PLXNB2: variants seen among roughly 807,000 people sequenced by gnomAD.
PLXNB2 encodes the protein plexin-B2.
A neutral mutation model predicts 202.6 loss-of-function variants in PLXNB2; 85 were observed. That is an observed-to-expected ratio of 0.42 (90% confidence interval 0.35 to 0.50). The LOEUF (loss-of-function observed/expected upper bound fraction) is 0.50, where lower values mean the gene tolerates loss of function less well. Ranked by LOEUF, PLXNB2 falls within the 20% of genes least tolerant of loss-of-function variation. PLXNB2 has a pLI of 0.02. For synonymous variants in PLXNB2, 1,239 were observed against 1,137.6 expected (o/e 1.09, Z -1.79); for missense variants, 2,063 against 2,586.2 (o/e 0.80, Z 4.39).
At chr22:50,281,270 T>A (rs913145115) in intron 22 of PLXNB2, 81 bp from the exon 23 acceptor site, 78 of 1,570,228 alleles carry the variant, frequency 5.0e-5, no homozygotes, top group Non-Finnish European at 6.0e-5. Flanking sequence ...TCTACACGCC[T>A]GCCTGTGCAG....
At position 50,281,466 on chromosome 22, in the gene PLXNB2, G is replaced by A. The variant is rs375098920; in HGVS notation, c.3556C>T (p.Arg1186Cys). Residue 1186 changes from arginine to cysteine, a missense_variant, in exon 22 of 37, where the codon CGC becomes TGC. Transcript: ENST00000359337. Reference sequence around the variant, plus strand: ...CTCACCCGTGTGTCGTACTCCACGCGGCCCAGCACCCACTCGCGAGAGCCG... The same window carrying A: ...CTCACCCGTGTGTCGTACTCCACGCAGCCCAGCACCCACTCGCGAGAGCCG... ...KFGSREWVLG[R>C]VEYDTRVSDV... 15 of 1,612,254 alleles carry A rather than the reference G, an allele frequency of 9.3e-6. No individual in the cohort carries two copies. Among genetic ancestry groups the A allele is most frequent in the African/African-American group, 5.3e-5 (4 of 74,908 alleles).
intron 1 of PLXNB2, among the ~76,000 whole-genome samples, chr22:50,300,094 C>T (rs1222364432): frequency 6.6e-6 from 1 of 152,068 alleles, no homozygotes; most frequent in Non-Finnish European, 1.5e-5. Flanking sequence ...CCGGGGACTC[C>T]GGCGCCCCGT....
chr22:50,307,150 G>A (rs1024888719), intron 1 of PLXNB2, among the ~76,000 whole-genome samples: 4 of 152,110 alleles, frequency 2.6e-5, no homozygotes, highest in African/African-American at 4.8e-5. Flanking sequence ...GACGGCCCCC[G>A]GGAGCTCGGG....
At position 50,288,077 on chromosome 22, in the gene PLXNB2, C is replaced by T. The variant is rs1569171438; in HGVS notation, c.1381-40G>A. 4 of 1,467,672 alleles carry T rather than the reference C, an allele frequency of 2.7e-6. No individual in the cohort carries two copies. Among genetic ancestry groups the T allele is most frequent in the African/African-American group, 1.4e-5 (1 of 71,402 alleles). 90.9% of individuals were successfully genotyped at this position (1,467,672 alleles called of 1,614,324 possible). ...CCGTGAGTGGGACCACAGCAGAGGC[C>T]GCACGGGCCTTCCGCAGACCCCAGA... is the stretch of plus-strand genomic sequence containing the variant. On this transcript the variant is annotated intron_variant, in intron 5 of 36. Transcript: ENST00000359337. This position sits in a 1 kb window ranked among gnomAD's most constrained non-coding sequence, Gnocchi z 5.0.
Position 50,289,358 on chromosome 22 carries a change from T to C in PLXNB2, c.1068+159A>G, listed in dbSNP as rs1056808447. Among the ~76,000 whole-genome samples, 4 of 152,042 alleles carry C rather than the reference T, an allele frequency of 2.6e-5. No individual in the cohort carries two copies. The highest frequency in any genetic ancestry group is 9.7e-5 in the African/African-American group (4 of 41,384). On this transcript the variant is annotated intron_variant, in intron 3 of 36. Transcript: ENST00000359337. The surrounding 1 kb of genome is among the most constrained non-coding windows in gnomAD (Gnocchi z 8.0). ...GGCCTGGGACTGGCGCCAGCGTGAA[T>C]GGCATTGAGAGATGCGGCACCCACC...
At position 50,284,303 on chromosome 22, in the gene PLXNB2, G is replaced by T; in HGVS notation, c.2182-90C>A. 1 of 1,256,756 alleles carries T rather than the reference G, an allele frequency of 8.0e-7. No homozygotes were observed. The highest frequency in any genetic ancestry group is 1.2e-6 in the Non-Finnish European group (1 of 864,020). The allele number at this position is 1,256,756 out of a possible 1,614,324, so 77.9% of individuals were successfully genotyped here. A position where few individuals can be genotyped will look rare whatever the true frequency, so the allele number is the denominator to read the frequency against. On this transcript the variant is annotated intron_variant, in intron 12 of 36. Coordinates refer to ENST00000359337, the MANE Select transcript of PLXNB2 (RefSeq NM_012401.4). This position sits in a 1 kb window ranked among gnomAD's most constrained non-coding sequence, Gnocchi z 8.0. Reference sequence around the variant, plus strand: ...CAAGGGCAGCCTCCCTGTGGCCACCGGGTCCCTTCCCAGCCAAGGGCAGCA... The same window carrying T: ...CAAGGGCAGCCTCCCTGTGGCCACCTGGTCCCTTCCCAGCCAAGGGCAGCA...
chr22:50,284,510 A>ACC lies in PLXNB2; in HGVS notation c.2181+61_2181+62dup, dbSNP rs146267024. ...CCCTCCCCTCACAGTCCTGAAGGTGACCCCCCACCCCACCCGGGGCCCTGG... is the reference window on the plus strand; with the variant it reads ...CCCTCCCCTCACAGTCCTGAAGGTGACCCCCCCCACCCCACCCGGGGCCCTGG... On this transcript the variant is annotated intron_variant, in intron 12 of 36. Transcript: ENST00000359337. The surrounding 1 kb of genome is among the most constrained non-coding windows in gnomAD (Gnocchi z 8.0). 7.7e-5 allele frequency: 93 copies of ACC among 1,209,666 alleles called. 1 individual carries two copies. Among genetic ancestry groups the ACC allele is most frequent in the East Asian group, 3.9e-4 (15 of 38,400 alleles). The allele number at this position is 1,209,666 out of a possible 1,614,324, so 74.9% of individuals were successfully genotyped here.
In PLXNB2 at chr22:50,281,170, C is replaced by G; in HGVS notation, c.3682G>C (p.Glu1228Gln). 2 of 1,612,786 alleles carry G rather than the reference C, an allele frequency of 1.2e-6. No homozygotes were observed. The highest frequency in any genetic ancestry group is 1.7e-6 in the Non-Finnish European group (2 of 1,179,784). ...YCYWRKSQQA[E>Q]REYEKIKSQL... ...GACTTGATCTTCTCATACTCTCGTT[C>G]GGCCTGCTGGCTCTTCCTCCTGCAA... is the stretch of plus-strand genomic sequence containing the variant. Residue 1228 changes from glutamate (E) to glutamine (Q), a missense_variant, in exon 23 of 37, where the codon GAA (glutamate) becomes CAA (glutamine). Around this residue, in one of 2 missense-constraint regions of PLXNB2, gnomAD observed 760 missense variants for 1,109.4 expected, o/e 0.69. Transcript: ENST00000359337.
rs138954327 is a variant in PLXNB2, at chr22:50,304,178, C to G, written c.-74+3375G>C. Among the ~76,000 whole-genome samples, 787 of 152,314 alleles carry G rather than the reference C, an allele frequency of 5.2e-3. 6 individuals are homozygous for G. The highest frequency in any genetic ancestry group is 7.7e-3 in the Non-Finnish European group (525 of 68,010). ...GCCAGGCCAGCCCCAGGCTCCTCCCCAGACAGACATCCCCGGGGGTGGGGC... is the reference window on the plus strand; with the variant it reads ...GCCAGGCCAGCCCCAGGCTCCTCCCGAGACAGACATCCCCGGGGGTGGGGC... On this transcript the variant is annotated intron_variant, in intron 1 of 36. Coordinates refer to ENST00000359337, the MANE Select transcript of PLXNB2 (RefSeq NM_012401.4).
In PLXNB2 at chr22:50,289,543, C is replaced by T. The variant is rs2066721288; in HGVS notation, c.1042G>A (p.Asp348Asn). 2.5e-6 allele frequency: 4 copies of T among 1,611,608 alleles called. No homozygotes were observed. Among genetic ancestry groups the T allele is most frequent in the African/African-American group, 2.7e-5 (2 of 74,934 alleles). The part of the protein sequence containing the change: ...RDIFYKPFHG[D>N]IQCGGHAPGS... ...GGCGCGTGGCCGCCGCACTGGATAT[C>T]GCCGTGGAAGGGCTTGTAGAAGATG... The change falls in exon 3 of 37, where the codon GAT becomes AAT. Residue 348 changes from aspartate to asparagine, a missense_variant. Coordinates refer to ENST00000359337, the MANE Select transcript of PLXNB2 (RefSeq NM_012401.4). The surrounding 1 kb of genome is among the most constrained non-coding windows in gnomAD (Gnocchi z 8.0).
intron 33 of PLXNB2, among the ~76,000 whole-genome samples, chr22:50,277,233 G>A (rs772764003): frequency 6.6e-5 from 10 of 151,996 alleles, no homozygotes; most frequent in African/African-American, 2.2e-4. Flanking sequence ...CCTAGAAGGC[G>A]GAGGTTGCAG....
chr22:50,300,620 G>C (rs73891214), intron 1 of PLXNB2, among the ~76,000 whole-genome samples: 2 of 152,204 alleles, frequency 1.3e-5, no homozygotes, highest in African/African-American at 2.4e-5. Flanking sequence ...CGTCTACAGC[G>C]GTCCCCGCTG....
intron 33 of PLXNB2, 83 bp from the exon 34 acceptor site, chr22:50,276,989 C>A: frequency 1.1e-6 from 1 of 939,668 alleles, no homozygotes; most frequent in Non-Finnish European, 1.7e-6. Flanking sequence ...GCTTCCCCTG[C>A]CCCGAACTCC....
At chr22:50,279,435 A>T (rs1284237624) in intron 27 of PLXNB2, among the ~76,000 whole-genome samples, 195 bp downstream of exon 27, 1 of 152,100 alleles carries the variant, frequency 6.6e-6, no homozygotes, top group East Asian at 1.9e-4. Flanking sequence ...GGGCCCGCAC[A>T]CTTAGAGCCT....
rs776342572 is a variant in PLXNB2, at chr22:50,280,070, A to G, written c.4177T>C (p.Ser1393Pro). 6.2e-7 allele frequency: 1 copy of G among 1,604,902 alleles called. No individual in the cohort carries two copies. The highest frequency in any genetic ancestry group is 2.2e-5 in the East Asian group (1 of 44,802). ...AKNPKLMLRRSETVVERMLSN... is the reference protein window; with the variant it reads ...AKNPKLMLRRPETVVERMLSN... ...AGCATCCTCTCCACCACAGTCTCAG[A>G]CCTGGGGGTGCAGGGAGGCCTTGTA... is the stretch of plus-strand genomic sequence containing the variant. The change falls in exon 26 of 37, where the codon TCT (serine) becomes CCT (proline). Residue 1393 changes from serine (S) to proline (P), a missense_variant and splice_region_variant. Around this residue, in one of 2 missense-constraint regions of PLXNB2, gnomAD observed 760 missense variants for 1,109.4 expected, o/e 0.69. Coordinates refer to ENST00000359337, the MANE Select transcript of PLXNB2 (RefSeq NM_012401.4).
intron 2 of PLXNB2, 124 bp from the exon 3 acceptor site, chr22:50,290,721 G>C: frequency 4.7e-6 from 5 of 1,062,998 alleles, no homozygotes; most frequent in Non-Finnish European, 6.6e-6. Flanking sequence ...ACGAACTGAG[G>C]AACCTGGAGC....
Position 50,289,699 on chromosome 22 carries a change from C to T in PLXNB2, c.886G>A (p.Val296Ile). 1 of 1,611,158 alleles carries T rather than the reference C, an allele frequency of 6.2e-7. No homozygotes were observed. The highest frequency in any genetic ancestry group is 1.3e-5 in the African/African-American group (1 of 75,078). Reference sequence around the variant, plus strand: ...CTGCTCCGGCTGTCTCTGCTGAAGACAGCATATAGCACCCTGCCAGAGCCA... The same window carrying T: ...CTGCTCCGGCTGTCTCTGCTGAAGATAGCATATAGCACCCTGCCAGAGCCA... Reference protein sequence around the residue: ...APGSGRVLYAVFSRDSRSSGG... With the variant: ...APGSGRVLYAIFSRDSRSSGG... The change falls in exon 3 of 37, where the codon GTC (valine) becomes ATC (isoleucine). Residue 296 changes from valine to isoleucine, a missense_variant. Val to Ile is a conservative substitution (Grantham distance 29). Coordinates refer to ENST00000359337, the MANE Select transcript of PLXNB2 (RefSeq NM_012401.4). The surrounding 1 kb of genome is among the most constrained non-coding windows in gnomAD (Gnocchi z 8.0).
chr22:50,280,347 T>C, intron 25 of PLXNB2, 142 bp downstream of exon 25: 1 of 777,772 alleles, frequency 1.3e-6, no homozygotes, highest in East Asian at 2.9e-5. Context: ...ACACCACCCC[T>C]AGACCGCCCC....
rs199645325 is a variant in PLXNB2, at chr22:50,278,177, T to C, written c.4827A>G (p.Lys1609=). 1 of 1,606,338 alleles carries C rather than the reference T, an allele frequency of 6.2e-7. No homozygotes were observed. The highest frequency in any genetic ancestry group is 2.2e-5 in the East Asian group (1 of 44,876). Residue 1609 remains lysine (K), a synonymous_variant, in exon 31 of 37, where the codon AAA becomes AAG. Coordinates refer to ENST00000359337, the MANE Select transcript of PLXNB2 (RefSeq NM_012401.4). The part of the protein sequence containing the change: ...DEGKSKRGSV[K]EKERTKAITE... ...TGATGGCCTTCGTCCGCTCCTTCTC[T>C]TTCACGCTGCCTCTCTTGGACTTGC... is the stretch of plus-strand genomic sequence containing the variant.
Sources: allele counts gnomAD v4.1 joint callset (sites outside exome capture counted in the v4.1 genomes callset), GRCh38; gene constraint gnomAD v4.1.1; regional missense constraint gnomAD v4.1.1; non-coding constraint Gnocchi (gnomAD v3.1); transcripts MANE v1.5; gene names NCBI Gene and HGNC (gene_info 2026-07-23, HGNC 2026-07-21).